PCDH9: variants seen among roughly 807,000 people sequenced by gnomAD.
PCDH9 encodes the protein protocadherin 9.
In PCDH9, 24 loss-of-function variants were observed where a neutral mutation model predicts 70.6. That is an observed-to-expected ratio of 0.34 (90% CI 0.25 to 0.48). The LOEUF (loss-of-function observed/expected upper bound fraction) is 0.48, where lower values mean the gene tolerates loss of function less well. Ranked by LOEUF, PCDH9 falls within the 20% of genes least tolerant of loss-of-function variation. The pLI is 0.99. For synonymous variants in PCDH9, 562 were observed against 558.5 expected (o/e 1.01, Z -0.09); for missense variants, 1,281 against 1,503.6 (o/e 0.85, Z 2.45).
intron 3 of PCDH9, among the ~76,000 whole-genome samples, chr13:66,881,932 C>T (rs1172188360): frequency 6.6e-6 from 1 of 152,124 alleles, no homozygotes; most frequent in Non-Finnish European, 1.5e-5. Context: ...AAATACATGA[C>T]CTGTTCTTAA....
At position 66,723,887 on chromosome 13, in the gene PCDH9, T is replaced by C. The variant is rs188751848; in HGVS notation, c.3139-92476A>G. On this transcript the variant is annotated intron_variant, in intron 3 of 4. Coordinates refer to ENST00000377865, the MANE Select transcript of PCDH9 (RefSeq NM_203487.3). Reference sequence around the variant, plus strand: ...GTTGGACAGTTTTTAAAAGTCGCATTGTGCCAGAGGCTTGTAGCAATTCCC... The same window carrying C: ...GTTGGACAGTTTTTAAAAGTCGCATCGTGCCAGAGGCTTGTAGCAATTCCC... Among the ~76,000 whole-genome samples, 217 of 152,296 alleles carry C rather than the reference T, an allele frequency of 1.4e-3. 2 individuals are homozygous for C. The highest frequency in any genetic ancestry group is 1.1e-3 in the Non-Finnish European group (76 of 68,016).
intron 2 of PCDH9, among the ~76,000 whole-genome samples, chr13:67,153,805 T>C (rs1251576443): frequency 6.6e-6 from 1 of 152,216 alleles, no homozygotes; most frequent in East Asian, 1.9e-4. Context: ...AAATAATACA[T>C]TTACAGTCTA....
At chr13:67,136,525 A>G (rs1384951883) in intron 2 of PCDH9, among the ~76,000 whole-genome samples, 2 of 152,128 alleles carry the variant, frequency 1.3e-5, no homozygotes, top group Non-Finnish European at 2.9e-5. Context: ...ATGCTAAAGT[A>G]AGAAAATTTG....
chr13:66,918,731 T>G (rs994314164), intron 2 of PCDH9, among the ~76,000 whole-genome samples: 2 of 151,266 alleles, frequency 1.3e-5, no homozygotes, highest in African/African-American at 4.8e-5. Context: ...TCAAATGCAT[T>G]TAAATCTAAG....
chr13:67,141,757 A>T (rs2087396326), intron 2 of PCDH9, among the ~76,000 whole-genome samples: 1 of 139,444 alleles, frequency 7.2e-6, no homozygotes, highest in African/African-American at 2.5e-5. Context: ...CTCTCTTAAA[A>T]AAAAAAAAAA....
intron 2 of PCDH9, among the ~76,000 whole-genome samples, chr13:67,077,449 C>G (rs2085900162): frequency 6.6e-6 from 1 of 152,174 alleles, no homozygotes; most frequent in Admixed American, 6.5e-5. Flanking sequence ...CTTCTCACCT[C>G]CCTGGCATTC....
intron 4 of PCDH9, among the ~76,000 whole-genome samples, chr13:66,542,933 G>T (rs1310176163): frequency 6.6e-6 from 1 of 150,874 alleles, no homozygotes; most frequent in Non-Finnish European, 1.5e-5. Flanking sequence ...CATAATAAAG[G>T]AAATTTTCAA....
At chr13:66,857,611 C>T (rs961951677) in intron 3 of PCDH9, among the ~76,000 whole-genome samples, 9 of 152,084 alleles carry the variant, frequency 5.9e-5, no homozygotes, top group Non-Finnish European at 1.3e-4. Flanking sequence ...ATATAAAGTA[C>T]ATATTTTTCA....
chr13:66,445,308 T>C (rs1195806028), intron 4 of PCDH9, among the ~76,000 whole-genome samples: 1 of 147,554 alleles, frequency 6.8e-6, no homozygotes, highest in Non-Finnish European at 1.5e-5. Context: ...CCTCTTCTGA[T>C]TCCTATTTTT....
At chr13:66,767,664 C>T (rs1476717458) in intron 3 of PCDH9, among the ~76,000 whole-genome samples, 1 of 152,028 alleles carries the variant, frequency 6.6e-6, no homozygotes, top group Non-Finnish European at 1.5e-5. Context: ...TCTAACAATA[C>T]ACACTAGAGT....
At chr13:66,875,092 C>CGTTA (rs2081779139) in intron 3 of PCDH9, among the ~76,000 whole-genome samples, 1 of 152,146 alleles carries the variant, frequency 6.6e-6, no homozygotes, top group African/African-American at 2.4e-5. Context: ...CACTAACTAA[C>CGTTA]ATCTATTGTA....
chr13:67,052,794 G>A (rs1044890232), intron 2 of PCDH9, among the ~76,000 whole-genome samples: 2 of 152,074 alleles, frequency 1.3e-5, no homozygotes, highest in Admixed American at 1.3e-4. Flanking sequence ...GGCGGAAGGT[G>A]GGGGATCAAA....
intron 3 of PCDH9, among the ~76,000 whole-genome samples, chr13:66,831,084 A>G (rs2080917095): frequency 6.6e-6 from 1 of 152,188 alleles, no homozygotes; most frequent in South Asian, 2.1e-4. Flanking sequence ...TAAGGGAAAT[A>G]TGAGTTATAG....
At chr13:66,351,323 C>G (rs1262708392) in intron 4 of PCDH9, among the ~76,000 whole-genome samples, 2 of 152,038 alleles carry the variant, frequency 1.3e-5, no homozygotes, top group Admixed American at 1.3e-4. Context: ...AATTTTGACC[C>G]ATTTTACATC....
intron 3 of PCDH9, among the ~76,000 whole-genome samples, chr13:66,673,796 T>C (rs1269497134): frequency 2.6e-5 from 4 of 152,206 alleles, no homozygotes; most frequent in Non-Finnish European, 5.9e-5. Flanking sequence ...AATATCTAGA[T>C]ATTGGCACAA....
intron 2 of PCDH9, among the ~76,000 whole-genome samples, chr13:67,181,780 C>T (rs1461107795): frequency 6.6e-6 from 1 of 152,182 alleles, no homozygotes; most frequent in Non-Finnish European, 1.5e-5. Context: ...AACACCACTA[C>T]AAAATAAGTT....
chr13:67,184,000 C>A (rs534129204), intron 2 of PCDH9, among the ~76,000 whole-genome samples: 5 of 152,144 alleles, frequency 3.3e-5, no homozygotes, highest in Non-Finnish European at 7.3e-5. Context: ...ATTGATTCTT[C>A]TGTTAAAAGT....
At chr13:66,985,590 G>A (rs1169285688) in intron 2 of PCDH9, 1 of 151,860 alleles carries the variant, frequency 6.6e-6, no homozygotes, top group Non-Finnish European at 1.5e-5. Context: ...TTGTATTTTG[G>A]TTTCTGCCAG....
At chr13:66,351,827 T>C (rs748365971) in intron 4 of PCDH9, among the ~76,000 whole-genome samples, 18 of 144,018 alleles carry the variant, frequency 1.2e-4, no homozygotes, top group South Asian at 7.1e-4. Flanking sequence ...ATTCCTTTTT[T>C]TTTTCTTTTC....
Sources: gnomAD v4.1 joint callset for allele counts (sites outside exome capture counted in the v4.1 genomes callset) on GRCh38, gnomAD v4.1.1 for gene constraint, MANE v1.5 for transcripts, NCBI Gene and HGNC (gene_info 2026-07-23, HGNC 2026-07-21) for gene names.